The following NFXL1 variants were observed in gnomAD, a reference collection of about 807,000 sequenced individuals.
NFXL1 encodes the protein NF-X1-type zinc finger protein NFXL1.
A neutral mutation model predicts 123.3 loss-of-function variants in NFXL1; 66 were observed. The ratio of observed to expected loss-of-function variants is 0.54; its 90% CI spans 0.44 to 0.66. NFXL1 has a LOEUF of 0.66. NFXL1 is among the 30% of genes least tolerant of loss of function. NFXL1 has a pLI of 0.00. For synonymous variants in NFXL1, 346 were observed against 360.8 expected, an observed-to-expected ratio of 0.96 and a Z score of 0.46; for missense variants, 944 against 1,125.6, an observed-to-expected ratio of 0.84 and a Z score of 2.31.
intron 19 of NFXL1, among the ~76,000 whole-genome samples, chr4:47,861,648 C>G (rs1041290628): frequency 2.0e-5 from 3 of 152,126 alleles, no homozygotes; most frequent in African/African-American, 4.8e-5. Flanking sequence ...AAGGGAAGTT[C>G]AGGATTTGAA....
chr4:47,889,772 T>G lies in NFXL1; in HGVS notation c.1543+841A>C, dbSNP rs1578025990. On this transcript the variant is annotated intron_variant, in intron 12 of 22. Coordinates refer to ENST00000507489, the MANE Select transcript of NFXL1 (RefSeq NM_001278624.2). Reference sequence around the variant, plus strand: ...TGTCTAGTAATAACTTATAACATAATTCTCAAAGTATAGTCCAGGAACCCT... The same window carrying G: ...TGTCTAGTAATAACTTATAACATAAGTCTCAAAGTATAGTCCAGGAACCCT... Among the ~76,000 whole-genome samples the G allele has an allele frequency of 2.6e-5, 4 of 152,284 alleles. No individual in the cohort carries two copies. In the East Asian group the frequency reaches 7.7e-4, roughly 29 times the overall value.
At chr4:47,877,588 A>G (rs1049527312) in intron 17 of NFXL1, among the ~76,000 whole-genome samples, 2 of 152,084 alleles carry the variant, frequency 1.3e-5, no homozygotes, top group Non-Finnish European at 2.9e-5. Context: ...TTGATTTTAT[A>G]ATTCTAGCAT....
At chr4:47,866,614 AC>A (rs1735091894) in intron 18 of NFXL1, among the ~76,000 whole-genome samples, 1 of 152,254 alleles carries the variant, frequency 6.6e-6, no homozygotes, top group African/African-American at 2.4e-5. Context: ...ACTATATGAA[AC>A]ACTGCTTATA....
At chr4:47,850,699 G>T (rs1420842426) in intron 22 of NFXL1, among the ~76,000 whole-genome samples, 1 of 152,012 alleles carries the variant, frequency 6.6e-6, no homozygotes, top group Non-Finnish European at 1.5e-5. Flanking sequence ...GTTATAGGTG[G>T]TCTGCAACTC....
At chr4:47,854,597 T>C (rs1158552787) in intron 20 of NFXL1, among the ~76,000 whole-genome samples, 2 of 152,140 alleles carry the variant, frequency 1.3e-5, no homozygotes, top group African/African-American at 4.8e-5. Context: ...TATAAGGCTA[T>C]TCATATGAGG....
chr4:47,904,753 T>A (rs1737490770), intron 4 of NFXL1, among the ~76,000 whole-genome samples: 1 of 152,164 alleles, frequency 6.6e-6, no homozygotes, highest in Non-Finnish European at 1.5e-5. Context: ...CTACGCCATA[T>A]CTCCTCCAAG....
chr4:47,906,722 T>C (rs745980451), intron 3 of NFXL1, among the ~76,000 whole-genome samples: 11 of 152,294 alleles, frequency 7.2e-5, no homozygotes, highest in Admixed American at 2.0e-4. Flanking sequence ...AAGAAGAAGA[T>C]AGAACAGGCT....
rs1434774810 is a variant in NFXL1 at position 47,914,135 on chromosome 4, G to C, written c.69C>G (p.Pro23=). Residue 23 remains proline (P), a synonymous_variant, in exon 2 of 23, where the codon CCC becomes CCG. Coordinates refer to ENST00000507489, the MANE Select transcript of NFXL1 (RefSeq NM_001278624.2). Reference sequence around the variant, plus strand: ...CGCGGAGATGGACTCCATTTCCTGAGGGGGCGGCAGTGGCCCGTCCCCGGG... The same window carrying C: ...CGCGGAGATGGACTCCATTTCCTGACGGGGCGGCAGTGGCCCGTCCCCGGG... ...GRSRGRATAA[P]SGNGVHLRGA... 4 of 1,554,204 alleles carry C rather than the reference G, an allele frequency of 2.6e-6. No individual in the cohort carries two copies. The Admixed American group carries it at 5.7e-5, about 22-fold the overall frequency.
intron 18 of NFXL1, among the ~76,000 whole-genome samples, chr4:47,863,226 T>C (rs182868460): frequency 6.6e-6 from 1 of 151,160 alleles, no homozygotes; most frequent in African/African-American, 2.5e-5. Flanking sequence ...TCTTTCCCTA[T>C]AGATTTATCA....
chr4:47,887,055 T>C (rs907298343), intron 12 of NFXL1, among the ~76,000 whole-genome samples: 23 of 152,232 alleles, frequency 1.5e-4, no homozygotes, highest in Non-Finnish European at 2.9e-4. Flanking sequence ...TATTTTGGTT[T>C]CAGCTTTTTA....
chr4:47,878,442 CAG>C, intron 17 of NFXL1, 81 bp downstream of exon 17: 1 of 1,108,856 alleles, frequency 9.0e-7, no homozygotes, highest in East Asian at 2.7e-5. Context: ...TAAAGCAAAA[CAG>C]AAAAATATTT....
chr4:47,876,025 A>G (rs1735730233), intron 17 of NFXL1, among the ~76,000 whole-genome samples: 1 of 152,170 alleles, frequency 6.6e-6, no homozygotes, highest in Non-Finnish European at 1.5e-5. Flanking sequence ...AGACATGGAT[A>G]CTAAATCTTA....
At chr4:47,849,788 C>T (rs1273777658) in intron 22 of NFXL1, among the ~76,000 whole-genome samples, 2 of 152,136 alleles carry the variant, frequency 1.3e-5, no homozygotes, top group East Asian at 3.9e-4. Flanking sequence ...GATATAAAAA[C>T]CTGAGGATGA....
chr4:47,863,573 T>G (rs976496585), intron 18 of NFXL1, among the ~76,000 whole-genome samples: 2 of 152,022 alleles, frequency 1.3e-5, no homozygotes, highest in African/African-American at 4.8e-5. Flanking sequence ...TCCTGGCTAC[T>G]CAGGAGACTG....
chr4:47,878,484 G>A, intron 17 of NFXL1, 41 bp downstream of exon 17: 3 of 1,399,714 alleles, frequency 2.1e-6, no homozygotes, highest in Non-Finnish European at 2.9e-6. Context: ...AACGTTTCAA[G>A]AATACTATGG....
At chr4:47,904,106 G>GTT (rs1737459166) in intron 4 of NFXL1, among the ~76,000 whole-genome samples, 1 of 152,192 alleles carries the variant, frequency 6.6e-6, no homozygotes, top group Non-Finnish European at 1.5e-5. Context: ...CTTGGATGCA[G>GTT]GAGTAAGGGG....
In NFXL1 at chr4:47,894,188, T is replaced by C. The variant is rs754768791; in HGVS notation, c.1444A>G (p.Arg482Gly). 8 of 1,600,226 alleles carry C rather than the reference T, an allele frequency of 5.0e-6. No homozygotes were observed. Among genetic ancestry groups the C allele is most frequent in the Non-Finnish European group, 6.8e-6 (8 of 1,173,538 alleles). The change falls in exon 11 of 23, where the codon AGA (arginine) becomes GGA (glycine). Residue 482 changes from arginine (R) to glycine (G), a missense_variant. By Grantham distance (125) the Arg-to-Gly change is moderately radical. This residue lies in a region of NFXL1 where 296 missense variants were observed against 395.1 expected (regional missense o/e 0.75). Transcript: ENST00000507489. ...KMRDCQKHQC[R>G]RKCCPGNCPP... ...AAGGTTAATACACAAACCTTTCTTCTACATTGATGCTTCTGACAGTCACGC... is the reference window on the plus strand; with the variant it reads ...AAGGTTAATACACAAACCTTTCTTCCACATTGATGCTTCTGACAGTCACGC...
intron 5 of NFXL1, among the ~76,000 whole-genome samples, chr4:47,902,400 T>A (rs2110102670): frequency 6.6e-6 from 1 of 152,186 alleles, no homozygotes; most frequent in South Asian, 2.1e-4. Flanking sequence ...ATAACAAAAG[T>A]TCTCCAGATC....
intron 4 of NFXL1, among the ~76,000 whole-genome samples, chr4:47,904,196 C>T (rs569471554): frequency 7.0e-4 from 107 of 152,212 alleles, no homozygotes; most frequent in African/African-American, 2.5e-3. Context: ...AAGCTCAATC[C>T]TCCAGGGGAC....
Sources: gnomAD v4.1 joint callset for allele counts (sites outside exome capture counted in the v4.1 genomes callset) on GRCh38, gnomAD v4.1.1 for gene constraint, gnomAD v4.1.1 regional missense constraint, MANE v1.5 for transcripts, NCBI Gene and HGNC (gene_info 2026-07-23, HGNC 2026-07-21) for gene names.